Variants in ADCY5 observed in about 807,000 individuals in gnomAD.
The protein encoded by ADCY5 is adenylate cyclase 5, also known as adenylate cyclase type 5.
In ADCY5, 30 loss-of-function variants were observed where a neutral mutation model predicts 119.7. That is an observed-to-expected ratio of 0.25 (90% confidence interval 0.19 to 0.34). ADCY5 has a LOEUF of 0.34. ADCY5 is among the 10% of genes least tolerant of loss of function. The probability of loss-of-function intolerance (pLI) is 1.00; values close to 1 mark genes in which losing one functional copy is unlikely to be tolerated. For missense variants in ADCY5, 1,324 were observed against 1,775.2 expected, an observed-to-expected ratio of 0.75 and a Z score of 4.57; for synonymous variants, 753 against 762.2, an observed-to-expected ratio of 0.99 and a Z score of 0.20.
intron 1 of ADCY5, among the ~76,000 whole-genome samples, chr3:123,416,876 C>T (rs1348765212): frequency 6.6e-6 from 1 of 152,152 alleles, no homozygotes; most frequent in Non-Finnish European, 1.5e-5. Flanking sequence ...TTGGGACCCT[C>T]ATCTCACAGG....
intron 12 of ADCY5, among the ~76,000 whole-genome samples, chr3:123,305,028 C>G (rs553325841): frequency 6.6e-6 from 1 of 152,244 alleles, no homozygotes; most frequent in East Asian, 1.9e-4. Context: ...TACAGACAAG[C>G]TAGGTGTCTA....
chr3:123,332,702 C>G, intron 3 of ADCY5, 27 bp from the exon 4 acceptor site: 1 of 1,437,102 alleles, frequency 7.0e-7, no homozygotes, highest in African/African-American at 1.4e-5. Context: ...GGAGGAAGAC[C>G]CTGCTATAGG....
In ADCY5 at chr3:123,448,293, C is replaced by T. The variant is rs764919392; in HGVS notation, c.253G>A (p.Gly85Ser). ...AAGCCCCCGGCCAGGGGGTCGTCAC[C>T]GCTCAGCGGAGGATCGTCGTCGTCG... is the stretch of plus-strand genomic sequence containing the variant. ...SDDDDDPPLS[G>S]DDPLAGGFGF... Residue 85 changes from glycine to serine, a missense_variant, in exon 1 of 21, where the codon GGT (glycine) becomes AGT (serine). Gly to Ser is a moderately conservative substitution (Grantham distance 56). This residue lies in a region of ADCY5 where 585 missense variants were observed against 569.9 expected (regional missense o/e 1.03). Transcript: ENST00000462833. The T allele has an allele frequency of 1.3e-6, 2 of 1,534,214 alleles. No individual in the cohort carries two copies. Among genetic ancestry groups the T allele is most frequent in the Non-Finnish European group, 1.7e-6 (2 of 1,150,856 alleles).
intron 1 of ADCY5, among the ~76,000 whole-genome samples, chr3:123,409,643 G>A (rs974525370): frequency 6.6e-5 from 10 of 152,180 alleles, no homozygotes; most frequent in African/African-American, 2.4e-4. Flanking sequence ...AGCTAGACAT[G>A]CAAATTATTG....
intron 12 of ADCY5, among the ~76,000 whole-genome samples, chr3:123,306,462 T>G (rs1940203535): frequency 6.6e-6 from 1 of 152,182 alleles, no homozygotes; most frequent in South Asian, 2.1e-4. Context: ...TTTGTGACTT[T>G]GGATCAGGCA....
At chr3:123,382,345 T>C (rs1354579999) in intron 1 of ADCY5, among the ~76,000 whole-genome samples, 1 of 147,942 alleles carries the variant, frequency 6.8e-6, no homozygotes, top group Non-Finnish European at 1.5e-5. Context: ...GCAGCCCCTG[T>C]GGAAAACAGT....
intron 1 of ADCY5, among the ~76,000 whole-genome samples, chr3:123,429,263 T>C (rs1945471985): frequency 6.6e-6 from 1 of 152,210 alleles, no homozygotes; most frequent in Non-Finnish European, 1.5e-5. Flanking sequence ...AGGGGCTCAT[T>C]AGGAAAGTGC....
chr3:123,332,317 C>A (rs1279195395), intron 4 of ADCY5, among the ~76,000 whole-genome samples: 1 of 152,272 alleles, frequency 6.6e-6, no homozygotes, highest in East Asian at 1.9e-4. Context: ...GGGCTCCCTA[C>A]ACTCTCGCTT....
chr3:123,392,696 C>T (rs1944430499), intron 1 of ADCY5, among the ~76,000 whole-genome samples: 1 of 152,126 alleles, frequency 6.6e-6, no homozygotes, highest in South Asian at 2.1e-4. Flanking sequence ...CTCTCTTTCT[C>T]CAACTTTCTG....
At chr3:123,363,634 C>T (rs1046119726) in intron 1 of ADCY5, among the ~76,000 whole-genome samples, 2 of 152,190 alleles carry the variant, frequency 1.3e-5, no homozygotes, top group Admixed American at 6.5e-5. Flanking sequence ...TGTCACCAGG[C>T]GCAGTGGCTC....
chr3:123,341,121 T>C (rs1454496659), intron 3 of ADCY5, among the ~76,000 whole-genome samples: 1 of 151,330 alleles, frequency 6.6e-6, no homozygotes, highest in African/African-American at 2.4e-5. Context: ...TGAGACTCCA[T>C]CTCAAAAAAA....
chr3:123,309,276 A>C (rs1940411030), intron 12 of ADCY5, among the ~76,000 whole-genome samples: 2 of 152,234 alleles, frequency 1.3e-5, no homozygotes, highest in Non-Finnish European at 2.9e-5. Flanking sequence ...ACAAGGAGCT[A>C]ATAAAAGATG....
chr3:123,319,672 A>G lies in ADCY5; in HGVS notation c.2256+2T>C. The G allele has an allele frequency of 6.2e-7, 1 of 1,614,038 alleles. No homozygotes were observed. Among genetic ancestry groups the G allele is most frequent in the Non-Finnish European group, 8.5e-7 (1 of 1,179,976 alleles). On this transcript the variant is annotated splice_donor_variant, in intron 10 of 20. Coordinates refer to ENST00000462833, the MANE Select transcript of ADCY5 (RefSeq NM_183357.3). LOFTEE classifies it high-confidence loss of function. ...GCCTCCTTCCCACCCAGGGTGCTGT[A>G]CCTTCTTCTCTAAGTCAGGCTCCCT... is the stretch of plus-strand genomic sequence containing the variant.
chr3:123,289,311 A>C (rs1392335124), intron 19 of ADCY5, among the ~76,000 whole-genome samples: 1 of 152,254 alleles, frequency 6.6e-6, no homozygotes, highest in Non-Finnish European at 1.5e-5. Flanking sequence ...GAATACTTTT[A>C]AATAAAACAA....
rs112223221 is a variant in ADCY5, at chr3:123,354,548, G to A, written c.1135-1967C>T. Among the ~76,000 whole-genome samples the A allele has an allele frequency of 2.6e-3, 397 of 152,310 alleles. 2 individuals are homozygous for A. Among genetic ancestry groups the A allele is most frequent in the Admixed American group, 9.1e-3 (140 of 15,304 alleles). ...GGGAAGTCACTGGGAACCACTGGGA[G>A]AGGATAAGGAGGAAGAGATGAGGAA... On this transcript the variant is annotated intron_variant, in intron 1 of 20. Transcript: ENST00000462833.
chr3:123,371,148 G>A (rs1943627157), intron 1 of ADCY5, among the ~76,000 whole-genome samples: 1 of 152,190 alleles, frequency 6.6e-6, no homozygotes, highest in South Asian at 2.1e-4. Flanking sequence ...ATCTCAAGAA[G>A]ACGAAGCATG....
At chr3:123,426,516 C>T (rs920427599) in intron 1 of ADCY5, among the ~76,000 whole-genome samples, 7 of 151,806 alleles carry the variant, frequency 4.6e-5, no homozygotes, top group African/African-American at 1.2e-4. Context: ...AGTAGAGACA[C>T]GGTTTCACCA....
chr3:123,425,315 T>C (rs1296807862), intron 1 of ADCY5, among the ~76,000 whole-genome samples: 2 of 152,220 alleles, frequency 1.3e-5, no homozygotes, highest in African/African-American at 2.4e-5. Flanking sequence ...ATTGGGCTTA[T>C]TGTCTCGGTT....
rs777887228 is a variant in ADCY5 at position 123,291,329 on chromosome 3, C to T, written c.3111G>A (p.Arg1037=). The change falls in exon 18 of 21, where the codon CGG becomes CGA. Residue 1037 remains arginine (R), a synonymous_variant. Coordinates refer to ENST00000462833, the MANE Select transcript of ADCY5 (RefSeq NM_183357.3). Reference sequence around the variant, plus strand: ...TGGGCAGGATGTTGTGCAGCAGCCGCCGGTTGTAGGCCTGCAGCTCCTCCA... The same window carrying T: ...TGGGCAGGATGTTGTGCAGCAGCCGTCGGTTGTAGGCCTGCAGCTCCTCCA... The part of the protein sequence containing the change: ...EEMEELQAYN[R]RLLHNILPKD... 6.2e-7 allele frequency: 1 copy of T among 1,613,930 alleles called. No homozygotes were observed. Among genetic ancestry groups the T allele is most frequent in the South Asian group, 1.1e-5 (1 of 91,082 alleles).
Sources: allele counts gnomAD v4.1 joint callset (sites outside exome capture counted in the v4.1 genomes callset), GRCh38; gene constraint gnomAD v4.1.1; regional missense constraint gnomAD v4.1.1; transcripts MANE v1.5; gene names NCBI Gene and HGNC (gene_info 2026-07-23, HGNC 2026-07-21).